PLXNA4: variants seen among roughly 807,000 people sequenced by gnomAD.
The protein encoded by PLXNA4 is plexin A4.
PLXNA4 carries 44 observed loss-of-function variants against 191.8 expected under a neutral mutation model. The ratio of observed to expected loss-of-function variants is 0.23; its 90% confidence interval spans 0.18 to 0.29. The LOEUF (loss-of-function observed/expected upper bound fraction) is 0.29, where lower values mean the gene tolerates loss of function less well. PLXNA4 is among the 10% of genes least tolerant of loss of function. The pLI is 1.00. For synonymous variants in PLXNA4, 1,082 were observed against 1,009.5 expected, an observed-to-expected ratio of 1.07 and a Z score of -1.36; for missense variants, 1,800 against 2,488.8, an observed-to-expected ratio of 0.72 and a Z score of 5.89.
chr7:132,562,542 TC>T (rs1801254311), intron 1 of PLXNA4, among the ~76,000 whole-genome samples: 1 of 126,344 alleles, frequency 7.9e-6, no homozygotes, highest in African/African-American at 3.3e-5. Context: ...CTCCTCTTTC[TC>T]CTCCTCCTCC....
intron 1 of PLXNA4, among the ~76,000 whole-genome samples, chr7:132,535,064 A>G (rs1417723988): frequency 6.6e-6 from 1 of 152,232 alleles, no homozygotes; most frequent in Non-Finnish European, 1.5e-5. Flanking sequence ...GTAATCAATA[A>G]GAAAATGAAG....
At chr7:132,149,722 A>T (rs1795539557) in intron 25 of PLXNA4, among the ~76,000 whole-genome samples, 1 of 152,136 alleles carries the variant, frequency 6.6e-6, no homozygotes, top group Non-Finnish European at 1.5e-5. Flanking sequence ...GCTCGTTCAG[A>T]GTGTCGTTAG....
At chr7:132,365,378 T>G (rs1804134690) in intron 3 of PLXNA4, among the ~76,000 whole-genome samples, 1 of 127,246 alleles carries the variant, frequency 7.9e-6, no homozygotes, top group African/African-American at 3.5e-5. Context: ...CGCGCATGCA[T>G]GGGGCAAGAG....
In PLXNA4 at chr7:132,586,676, C is replaced by T. The variant is rs897029475; in HGVS notation, c.-87+59252G>A. 1.4e-4 allele frequency among the ~76,000 whole-genome samples: 22 copies of T among 152,314 alleles called. No individual in the cohort carries two copies. The South Asian group carries it at 1.5e-3, about 10-fold the overall frequency. ...GCTGAGGCAGGAGAATCACTTGAAC[C>T]TGGGAGGCGGAGGTTGCAGTGAGCC... On this transcript the variant is annotated intron_variant, in intron 2 of 4. Coordinates refer to the PLXNA4 transcript ENST00000378539.
At chr7:132,531,923 G>A (rs1799630164) in intron 1 of PLXNA4, among the ~76,000 whole-genome samples, 1 of 152,198 alleles carries the variant, frequency 6.6e-6, no homozygotes, top group African/African-American at 2.4e-5. Flanking sequence ...CTAATATACA[G>A]AATCTCATTA....
At chr7:132,393,197 C>CCCA (rs79073917) in intron 3 of PLXNA4, among the ~76,000 whole-genome samples, 1 of 135,398 alleles carries the variant, frequency 7.4e-6, no homozygotes, top group Non-Finnish European at 1.6e-5. Flanking sequence ...AACACCCCCC[C>CCCA]CCACCACCAC....
intron 3 of PLXNA4, among the ~76,000 whole-genome samples, chr7:132,305,604 T>C (rs1169140051): frequency 6.6e-6 from 1 of 152,186 alleles, no homozygotes; most frequent in Non-Finnish European, 1.5e-5. Flanking sequence ...ATCAGCAGCG[T>C]GGCCTCCGCA....
At chr7:132,248,276 T>G (rs1008947763) in intron 4 of PLXNA4, among the ~76,000 whole-genome samples, 1 of 152,220 alleles carries the variant, frequency 6.6e-6, no homozygotes. Context: ...CCCTGGCTGA[T>G]GCAGCAGCTT....
At chr7:132,448,668 C>A (rs1795998701) in intron 3 of PLXNA4, among the ~76,000 whole-genome samples, 2 of 152,194 alleles carry the variant, frequency 1.3e-5, no homozygotes, top group Admixed American at 1.3e-4. Context: ...TATTTCTTCT[C>A]TAAGGAAAGC....
intron 3 of PLXNA4, among the ~76,000 whole-genome samples, chr7:132,365,346 T>TGCGC (rs1334311553): frequency 1.8e-5 from 2 of 111,418 alleles, no homozygotes; most frequent in East Asian, 5.4e-4. Flanking sequence ...TGTGTGTGTG[T>TGCGC]GTGTGTGTGT....
intron 2 of PLXNA4, among the ~76,000 whole-genome samples, chr7:132,594,946 G>C (rs929420468): frequency 1.3e-4 from 19 of 147,510 alleles, no homozygotes; most frequent in Admixed American, 4.7e-4. Flanking sequence ...TAGATAGATA[G>C]ATAGATAGAT....
chr7:132,146,792 A>G (rs1056658434), intron 27 of PLXNA4, 92 bp from the exon 28 acceptor site: 23 of 1,558,126 alleles, frequency 1.5e-5, no homozygotes, highest in Admixed American at 3.5e-5. Flanking sequence ...GCAGAAGCCA[A>G]CGACTGTCTG....
intron 1 of PLXNA4, among the ~76,000 whole-genome samples, chr7:132,526,907 G>T (rs1203168828): frequency 6.6e-6 from 1 of 152,148 alleles, no homozygotes; most frequent in Non-Finnish European, 1.5e-5. Flanking sequence ...CCCCACGGTG[G>T]CACAATGGGT....
At chr7:132,161,323 A>G (rs1795942672) in intron 24 of PLXNA4, among the ~76,000 whole-genome samples, 1 of 152,258 alleles carries the variant, frequency 6.6e-6, no homozygotes, top group South Asian at 2.1e-4. Flanking sequence ...ACTTCAGGGC[A>G]GGAGTTGGCG....
chr7:132,382,423 T>C (rs1004369283), intron 3 of PLXNA4, among the ~76,000 whole-genome samples: 2 of 152,142 alleles, frequency 1.3e-5, no homozygotes, highest in Non-Finnish European at 2.9e-5. Flanking sequence ...TCTCAGTTTC[T>C]GCCATGGTAA....
Position 132,397,843 on chromosome 7 carries a change from G to A in PLXNA4, c.1371+91449C>T, listed in dbSNP as rs557133587. ...GCTAAGGACAGTATGCCTATTTGAC[G>A]AAGGGCACAGGGGAGAAAGGTGATA... On this transcript the variant is annotated intron_variant, in intron 3 of 31. Coordinates refer to ENST00000321063, the MANE Select transcript of PLXNA4 (RefSeq NM_020911.2). Among the ~76,000 whole-genome samples the A allele has an allele frequency of 3.9e-5, 6 of 152,324 alleles. No homozygotes were observed. In the South Asian group the frequency reaches 1.0e-3, roughly 26 times the overall value.
intron 2 of PLXNA4, among the ~76,000 whole-genome samples, chr7:132,612,905 A>T (rs1803081164): frequency 6.6e-6 from 1 of 152,206 alleles, no homozygotes; most frequent in South Asian, 2.1e-4. Flanking sequence ...AAAGGGCATC[A>T]AAATGAGATT....
intron 3 of PLXNA4, among the ~76,000 whole-genome samples, chr7:132,417,936 A>G (rs867759001): frequency 5.9e-5 from 9 of 152,278 alleles, no homozygotes; most frequent in Middle Eastern, 3.4e-3. Context: ...GGTCCTCTAA[A>G]GACTCTCTTC....
Position 132,124,565 on chromosome 7 carries a change from G to GGAA in PLXNA4, c.*5911_*5913dup, listed in dbSNP as rs1412891029. ...TCTAATTCCAAATAAAGAAATTGCT[G>GGAA]GAAGAAGAGCTGCATAGACCAAGTC... On this transcript the variant is annotated 3_prime_UTR_variant, in exon 32 of 32. Transcript: ENST00000321063. 1 of 152,248 alleles carries GGAA rather than the reference G, an allele frequency of 6.6e-6. No homozygotes were observed. The highest frequency in any genetic ancestry group is 1.5e-5 in the Non-Finnish European group (1 of 68,044). 9.4% of individuals were successfully genotyped at this position (152,248 alleles called of 1,614,324 possible). A position where few individuals can be genotyped will look rare whatever the true frequency, so the allele number is the denominator to read the frequency against.
Sources: allele counts gnomAD v4.1 joint callset (sites outside exome capture counted in the v4.1 genomes callset), GRCh38; gene constraint gnomAD v4.1.1; transcripts MANE v1.5; gene names NCBI Gene and HGNC (gene_info 2026-07-23, HGNC 2026-07-21).